SSBP2: variants seen among roughly 807,000 people sequenced by gnomAD.
SSBP2 encodes single stranded DNA binding protein 2, also known as single-stranded DNA-binding protein 2.
Under a neutral mutation model 61.8 loss-of-function variants are expected in SSBP2, and 17 were observed. The observed-to-expected ratio is 0.28, with a 90% confidence interval of 0.19 to 0.41. The LOEUF is 0.41. Among genes scored for constraint, SSBP2 ranks in the 10% least tolerant of loss-of-function variants. The pLI, the probability that SSBP2 is intolerant of heterozygous loss-of-function variation, is 1.00. For synonymous variants in SSBP2, 139 were observed against 141.3 expected, an observed-to-expected ratio of 0.98 and a Z score of 0.12; for missense variants, 310 against 458.7, an observed-to-expected ratio of 0.68 and a Z score of 2.96.
chr5:81,658,708 G>A (rs1750438783), intron 1 of SSBP2, among the ~76,000 whole-genome samples: 1 of 151,902 alleles, frequency 6.6e-6, no homozygotes, highest in Non-Finnish European at 1.5e-5. Flanking sequence ...TGTCCTCCAG[G>A]TTCATCCATG....
At chr5:81,534,184 T>G (rs1255746631) in intron 4 of SSBP2, among the ~76,000 whole-genome samples, 1 of 152,070 alleles carries the variant, frequency 6.6e-6, no homozygotes, top group East Asian at 1.9e-4. Context: ...ACAGGCTCAC[T>G]AAAACACTGA....
intron 2 of SSBP2, 123 bp downstream of exon 2, chr5:81,650,144 A>G (rs1749602770): frequency 1.5e-6 from 1 of 654,496 alleles, no homozygotes; most frequent in Non-Finnish European, 2.6e-6. Flanking sequence ...TATACTATGT[A>G]TACGGATAAC....
chr5:81,743,820 G>A (rs1192926320), intron 1 of SSBP2, among the ~76,000 whole-genome samples: 1 of 152,126 alleles, frequency 6.6e-6, no homozygotes, highest in Non-Finnish European at 1.5e-5. Context: ...GAGTGATGCT[G>A]GGAACCCGAG....
chr5:81,542,290 G>A (rs939082845), intron 4 of SSBP2, among the ~76,000 whole-genome samples: 1 of 152,122 alleles, frequency 6.6e-6, no homozygotes, highest in African/African-American at 2.4e-5. Context: ...AGGCTGTGAA[G>A]AAAAGTGTTA....
In SSBP2 at chr5:81,624,050, TATTTTCCATAC is replaced by T. The variant is rs1746899725; in HGVS notation, c.198-8504_198-8494del. Among the ~76,000 whole-genome samples, 6 of 152,336 alleles carry T rather than the reference TATTTTCCATAC, an allele frequency of 3.9e-5. No homozygotes were observed. The South Asian group carries it at 1.2e-3, about 32-fold the overall frequency. On this transcript the variant is annotated intron_variant, in intron 3 of 16. Coordinates refer to ENST00000320672, the MANE Select transcript of SSBP2 (RefSeq NM_012446.5). ...CTTAGTGTCTAGGACAAGTGTGTATTATTTTCCATACATTTACAATGTCTATTCTATCATTC... is the reference window on the plus strand; with the variant it reads ...CTTAGTGTCTAGGACAAGTGTGTATTATTTACAATGTCTATTCTATCATTC...
Position 81,656,481 on chromosome 5 carries a change from T to C in SSBP2, c.63-6142A>G, listed in dbSNP as rs80329999. ...TGTCAAGGCTAATATGTTTAATATA[T>C]AAAGAGGTTTCTGGGGGAACAGGTG... On this transcript the variant is annotated intron_variant, in intron 1 of 16. Transcript: ENST00000320672. Among the ~76,000 whole-genome samples, 413 of 152,226 alleles carry C rather than the reference T, an allele frequency of 2.7e-3. 1 individual carries two copies. The highest frequency in any genetic ancestry group is 9.4e-3 in the African/African-American group (391 of 41,538).
chr5:81,667,988 C>T (rs1751289832), intron 1 of SSBP2, among the ~76,000 whole-genome samples: 2 of 152,000 alleles, frequency 1.3e-5, no homozygotes, highest in African/African-American at 2.4e-5. Context: ...AGGATACTTG[C>T]AGTTATACTT....
At chr5:81,606,673 C>G (rs942954462) in intron 4 of SSBP2, among the ~76,000 whole-genome samples, 9 of 152,096 alleles carry the variant, frequency 5.9e-5, no homozygotes, top group African/African-American at 2.2e-4. Context: ...GTTGAGATTC[C>G]CAATCCTCTT....
At chr5:81,616,914 A>C (rs1746119428) in intron 3 of SSBP2, among the ~76,000 whole-genome samples, 1 of 150,890 alleles carries the variant, frequency 6.6e-6, no homozygotes, top group Non-Finnish European at 1.5e-5. Context: ...AGGAAAACTA[A>C]CAACCAGAAA....
chr5:81,438,207 C>T (rs1045451296), intron 14 of SSBP2, among the ~76,000 whole-genome samples: 11 of 151,738 alleles, frequency 7.2e-5, no homozygotes, highest in Non-Finnish European at 1.3e-4. Flanking sequence ...AAAAATTAGC[C>T]GGGCATGGTG....
At chr5:81,683,328 C>T (rs866487666) in intron 1 of SSBP2, among the ~76,000 whole-genome samples, 2 of 152,086 alleles carry the variant, frequency 1.3e-5, no homozygotes, top group East Asian at 1.9e-4. Flanking sequence ...AACAGACCCA[C>T]ATAAATATAG....
chr5:81,626,615 C>G (rs774337366), intron 3 of SSBP2, among the ~76,000 whole-genome samples: 1 of 152,196 alleles, frequency 6.6e-6, no homozygotes, highest in Non-Finnish European at 1.5e-5. Flanking sequence ...CCAGATAAGA[C>G]AGCAAGCACA....
intron 1 of SSBP2, among the ~76,000 whole-genome samples, chr5:81,703,438 A>C (rs1754133906): frequency 6.6e-6 from 1 of 152,202 alleles, no homozygotes; most frequent in Admixed American, 6.5e-5. Context: ...AGACAGGAAA[A>C]GCACATCAGG....
At chr5:81,567,205 G>A (rs1233648273) in intron 4 of SSBP2, among the ~76,000 whole-genome samples, 1 of 152,174 alleles carries the variant, frequency 6.6e-6, no homozygotes, top group African/African-American at 2.4e-5. Context: ...TCCATCACAG[G>A]CCCAGAGGCC....
chr5:81,728,608 A>G (rs1055814682), intron 1 of SSBP2, among the ~76,000 whole-genome samples: 16 of 152,336 alleles, frequency 1.1e-4, no homozygotes, highest in African/African-American at 3.6e-4. Flanking sequence ...CACACACAAT[A>G]ATAGTGTGGA....
intron 1 of SSBP2, among the ~76,000 whole-genome samples, chr5:81,725,672 A>C (rs1195380361): frequency 6.6e-6 from 1 of 152,192 alleles, no homozygotes; most frequent in Non-Finnish European, 1.5e-5. Flanking sequence ...GAGCAGTTAC[A>C]AGTTATGAAA....
At chr5:81,514,425 G>A (rs1309110575) in intron 4 of SSBP2, among the ~76,000 whole-genome samples, 1 of 152,034 alleles carries the variant, frequency 6.6e-6, no homozygotes, top group African/African-American at 2.4e-5. Context: ...ATAGGAGTAT[G>A]AAAAACTTTG....
At chr5:81,749,925 C>G (rs1040856675) in intron 1 of SSBP2, among the ~76,000 whole-genome samples, 10 of 152,186 alleles carry the variant, frequency 6.6e-5, no homozygotes, top group Non-Finnish European at 1.2e-4. Flanking sequence ...CGCTTCTCCC[C>G]TCCCACAAAC....
chr5:81,658,071 TCTA>T (rs1750376763), intron 1 of SSBP2, among the ~76,000 whole-genome samples: 1 of 152,284 alleles, frequency 6.6e-6, no homozygotes, highest in Non-Finnish European at 1.5e-5. Flanking sequence ...ACACTTAAAA[TCTA>T]CTCTCTCAGC....
Sources: allele counts gnomAD v4.1 joint callset (sites outside exome capture counted in the v4.1 genomes callset), GRCh38; gene constraint gnomAD v4.1.1; transcripts MANE v1.5; gene names NCBI Gene and HGNC (gene_info 2026-07-23, HGNC 2026-07-21).